The following PHYHIPL variants were observed in gnomAD, a reference collection of about 807,000 sequenced individuals.
PHYHIPL encodes the protein phytanoyl-CoA 2-hydroxylase interacting protein like, also known as phytanoyl-CoA hydroxylase-interacting protein-like.
A neutral mutation model predicts 33.4 loss-of-function variants in PHYHIPL; 9 were observed. The ratio of observed to expected loss-of-function variants is 0.27; its 90% CI spans 0.16 to 0.47. The LOEUF is 0.47. PHYHIPL is among the 20% of genes least tolerant of loss of function. PHYHIPL has a pLI of 0.99. For missense variants in PHYHIPL, 365 were observed against 460.7 expected (o/e 0.79, Z 1.90); for synonymous variants, 153 against 154.1 (o/e 0.99, Z 0.05).
intron 1 of PHYHIPL, among the ~76,000 whole-genome samples, chr10:59,181,830 G>GC (rs1838419683): frequency 7.4e-6 from 1 of 135,550 alleles, no homozygotes; most frequent in Non-Finnish European, 1.5e-5. Context: ...AGTTACTAGA[G>GC]CAAGTTACAT....
chr10:59,184,741 G>A (rs969385940), intron 1 of PHYHIPL, among the ~76,000 whole-genome samples: 4 of 151,698 alleles, frequency 2.6e-5, no homozygotes, highest in Non-Finnish European at 5.9e-5. Context: ...TTGGTGTGCT[G>A]CACCCATTAA....
In PHYHIPL at chr10:59,245,639, C is replaced by G; in HGVS notation, c.*48C>G. The G allele has an allele frequency of 1.3e-6, 2 of 1,516,942 alleles. No individual in the cohort carries two copies. Among genetic ancestry groups the G allele is most frequent in the Non-Finnish European group, 1.8e-6 (2 of 1,131,426 alleles). 94.0% of individuals were successfully genotyped at this position (1,516,942 alleles called of 1,614,324 possible). On this transcript the variant is annotated 3_prime_UTR_variant, in exon 5 of 5. Coordinates refer to ENST00000373880, the MANE Select transcript of PHYHIPL (RefSeq NM_032439.4). ...TCAGCCCCTTTTCCTCCCTTAGGAG[C>G]ATTGGTCCTCTGTTGTCCATTTTTA...
At chr10:59,214,298 A>C (rs552171125) in intron 1 of PHYHIPL, among the ~76,000 whole-genome samples, 1 of 79,296 alleles carries the variant, frequency 1.3e-5, no homozygotes, top group African/African-American at 4.1e-5. Context: ...TGATTGCAGT[A>C]AAATAATTAA....
intron 4 of PHYHIPL, among the ~76,000 whole-genome samples, chr10:59,239,905 T>G (rs1206262096): frequency 6.6e-6 from 1 of 151,908 alleles, no homozygotes; most frequent in African/African-American, 2.4e-5. Flanking sequence ...GTATGAAAAA[T>G]ATTTAGGAAA....
intron 1 of PHYHIPL, among the ~76,000 whole-genome samples, chr10:59,229,644 A>G (rs897606201): frequency 9.2e-5 from 14 of 152,050 alleles, no homozygotes; most frequent in Admixed American, 5.9e-4. Flanking sequence ...GTCTCCAGGG[A>G]TGCCATGTGG....
At chr10:59,200,493 A>G (rs919264436) in intron 1 of PHYHIPL, among the ~76,000 whole-genome samples, 4 of 152,180 alleles carry the variant, frequency 2.6e-5, no homozygotes, top group African/African-American at 9.7e-5. Flanking sequence ...ATCGACGTTC[A>G]TCAGGGATAT....
At chr10:59,243,523 T>C (rs1840490006) in intron 4 of PHYHIPL, among the ~76,000 whole-genome samples, 1 of 152,156 alleles carries the variant, frequency 6.6e-6, no homozygotes, top group Non-Finnish European at 1.5e-5. Flanking sequence ...CCTCATTCTC[T>C]TAACTGTGAC....
chr10:59,213,854 A>G (rs1839534872), intron 1 of PHYHIPL, among the ~76,000 whole-genome samples: 1 of 152,202 alleles, frequency 6.6e-6, no homozygotes, highest in African/African-American at 2.4e-5. Flanking sequence ...GGAAGAAAAC[A>G]AAGGATGAAG....
At chr10:59,227,110 G>C (rs550699760) in intron 1 of PHYHIPL, among the ~76,000 whole-genome samples, 6 of 152,162 alleles carry the variant, frequency 3.9e-5, no homozygotes, top group African/African-American at 7.2e-5. Flanking sequence ...AGTATTTCAA[G>C]ATGTAATTAA....
chr10:59,226,872 G>A (rs1265823950), intron 1 of PHYHIPL, among the ~76,000 whole-genome samples: 1 of 151,886 alleles, frequency 6.6e-6, no homozygotes, highest in Non-Finnish European at 1.5e-5. Flanking sequence ...TATAGTGAAA[G>A]ACAGAAACTA....
chr10:59,204,870 T>C (rs952683352), intron 1 of PHYHIPL, among the ~76,000 whole-genome samples: 7 of 151,440 alleles, frequency 4.6e-5, no homozygotes, highest in African/African-American at 1.7e-4. Context: ...AAAGTTTTTT[T>C]TTTTTTTTTT....
intron 1 of PHYHIPL, among the ~76,000 whole-genome samples, chr10:59,191,587 T>C (rs1838785616): frequency 6.6e-6 from 1 of 151,982 alleles, no homozygotes; most frequent in African/African-American, 2.4e-5. Flanking sequence ...TTTTTATCAC[T>C]ACAATGTAAG....
chr10:59,212,187 C>G (rs1839473135), intron 1 of PHYHIPL, among the ~76,000 whole-genome samples: 1 of 152,162 alleles, frequency 6.6e-6, no homozygotes. Flanking sequence ...CAACAAGGTC[C>G]TCATGAGATG....
chr10:59,226,103 G>A (rs1205836812), intron 1 of PHYHIPL, among the ~76,000 whole-genome samples: 1 of 151,850 alleles, frequency 6.6e-6, no homozygotes, highest in Non-Finnish European at 1.5e-5. Context: ...TGAAAGATTA[G>A]TTAAGATAAT....
chr10:59,242,593 A>T (rs1349675234), intron 4 of PHYHIPL, among the ~76,000 whole-genome samples: 1 of 152,210 alleles, frequency 6.6e-6, no homozygotes, highest in Non-Finnish European at 1.5e-5. Flanking sequence ...AAAATAATGC[A>T]GATCTTGGAA....
chr10:59,242,633 C>T (rs898669613), intron 4 of PHYHIPL, among the ~76,000 whole-genome samples: 1 of 151,954 alleles, frequency 6.6e-6, no homozygotes, highest in African/African-American at 2.4e-5. Flanking sequence ...AAGCAGCCAC[C>T]ATAAAAATGG....
In PHYHIPL at chr10:59,176,655, T is replaced by C. The variant is rs1256936808; in HGVS notation, c.-199T>C. 5.5e-6 allele frequency: 3 copies of C among 543,070 alleles called. No homozygotes were observed. In the South Asian group the frequency reaches 6.7e-5, roughly 12 times the overall value. The allele number at this position is 543,070 out of a possible 1,614,324, so 33.6% of individuals were successfully genotyped here. On this transcript the variant is annotated 5_prime_UTR_variant, in exon 1 of 5. Transcript: ENST00000373880. The stretch of plus-strand genomic sequence containing the variant: ...TGCTCGGTCTCTCAGAGCCGCACAC[T>C]CCGCGGAGCTCCTGCCACAGCCGTC...
chr10:59,211,329 A>T (rs985020812), intron 1 of PHYHIPL, among the ~76,000 whole-genome samples: 1 of 152,116 alleles, frequency 6.6e-6, no homozygotes, highest in Admixed American at 6.6e-5. Flanking sequence ...GTGAGCTGTG[A>T]TCAGGCCATT....
intron 1 of PHYHIPL, among the ~76,000 whole-genome samples, chr10:59,217,743 T>G (rs1036060872): frequency 2.6e-5 from 4 of 152,084 alleles, no homozygotes; most frequent in Admixed American, 2.0e-4. Context: ...GTATTTATGA[T>G]GATTCATAAC....
Sources: allele counts gnomAD v4.1 joint callset (sites outside exome capture counted in the v4.1 genomes callset), GRCh38; gene constraint gnomAD v4.1.1; transcripts MANE v1.5; gene names NCBI Gene and HGNC (gene_info 2026-07-23, HGNC 2026-07-21).